JAKMIP1: variants seen among roughly 807,000 people sequenced by gnomAD.
JAKMIP1 encodes the protein janus kinase and microtubule interacting protein 1.
A neutral mutation model predicts 113.0 loss-of-function variants in JAKMIP1; 33 were observed. The observed-to-expected ratio is 0.29, with a 90% CI of 0.22 to 0.39. JAKMIP1 has a LOEUF of 0.39. Ranked by LOEUF, JAKMIP1 falls within the 10% of genes least tolerant of loss-of-function variation. The pLI is 1.00. For synonymous variants in JAKMIP1, 480 were observed against 459.9 expected, an observed-to-expected ratio of 1.04 and a Z score of -0.56; for missense variants, 813 against 1,080.5, an observed-to-expected ratio of 0.75 and a Z score of 3.47.
chr4:6,130,165 G>T (rs1034539106), intron 1 of JAKMIP1, among the ~76,000 whole-genome samples: 2 of 152,242 alleles, frequency 1.3e-5, no homozygotes, highest in Non-Finnish European at 1.5e-5. Flanking sequence ...CCTGCCCAAT[G>T]AAGTGGGGGA....
At position 6,136,030 on chromosome 4, in the gene JAKMIP1, G is replaced by C. The variant is rs555352254; in HGVS notation, c.-147-23033C>G. On this transcript the variant is annotated intron_variant, in intron 1 of 20. Transcript: ENST00000409021. This position sits in a 1 kb window ranked among gnomAD's most constrained non-coding sequence, Gnocchi z 5.9. The stretch of plus-strand genomic sequence containing the variant: ...AGAGGCCAAGGTGGGTGGATCACTT[G>C]AGGTCAGGAGTTCAAGATCAGCCTG... Among the ~76,000 whole-genome samples, 1 of 152,276 alleles carries C rather than the reference G, an allele frequency of 6.6e-6. No homozygotes were observed. The highest frequency in any genetic ancestry group is 1.9e-4 in the East Asian group (1 of 5,174).
rs1353395330 is a variant in JAKMIP1, at chr4:6,042,906, G to A, written c.2029-679C>T. On this transcript the variant is annotated intron_variant, in intron 16 of 20. Transcript: ENST00000409021. This position sits in a 1 kb window ranked among gnomAD's most constrained non-coding sequence, Gnocchi z 5.2. The stretch of plus-strand genomic sequence containing the variant: ...CGGAGAGTACGGGGTGAACAGGCGG[G>A]GCGTGCACCTGAGCGGCAGGTAAGG... Among the ~76,000 whole-genome samples the A allele has an allele frequency of 6.6e-6, 1 of 152,070 alleles. No homozygotes were observed. Among genetic ancestry groups the A allele is most frequent in the Non-Finnish European group, 1.5e-5 (1 of 68,010 alleles).
chr4:6,196,659 G>C (rs945753081), intron 1 of JAKMIP1, among the ~76,000 whole-genome samples: 1 of 152,158 alleles, frequency 6.6e-6, no homozygotes, highest in Admixed American at 6.5e-5. Context: ...AGGAGTTTGA[G>C]ACCAGCCTGG....
chr4:6,047,510 C>T (rs942980406), intron 16 of JAKMIP1, among the ~76,000 whole-genome samples: 3 of 152,176 alleles, frequency 2.0e-5, no homozygotes, highest in South Asian at 2.1e-4. Context: ...ATCCCCGTCC[C>T]GCGGTTCACC....
intron 1 of JAKMIP1, among the ~76,000 whole-genome samples, chr4:6,118,434 A>G (rs1244712735): frequency 6.6e-6 from 1 of 152,126 alleles, no homozygotes; most frequent in Non-Finnish European, 1.5e-5. Context: ...AGGCTGGGAC[A>G]AGGGGCATGT....
At chr4:6,124,117 T>C (rs1196916407) in intron 1 of JAKMIP1, among the ~76,000 whole-genome samples, 3 of 152,200 alleles carry the variant, frequency 2.0e-5, no homozygotes, top group African/African-American at 7.2e-5. Context: ...ATTCCCGCCA[T>C]GGCCCTGGCC....
At chr4:6,120,398 A>G (rs1249679021) in intron 1 of JAKMIP1, among the ~76,000 whole-genome samples, 2 of 152,214 alleles carry the variant, frequency 1.3e-5, no homozygotes, top group Non-Finnish European at 2.9e-5. Flanking sequence ...CAATCTGCCT[A>G]AAGATGTTGC....
At chr4:6,087,546 A>G (rs1721477396) in intron 3 of JAKMIP1, among the ~76,000 whole-genome samples, 2 of 152,212 alleles carry the variant, frequency 1.3e-5, no homozygotes, top group African/African-American at 4.8e-5. Context: ...CATAGAGATG[A>G]GAGAAGAAAG....
rs766805811 is a variant in JAKMIP1, at chr4:6,193,632, G to A, written c.-148+6621C>T. ...GGGGCACTCGGCTGGCTCCCGCATC[G>A]TCCCTCCTGCCTCGGGGTGCTCCCA... On this transcript the variant is annotated intron_variant, in intron 1 of 20. Transcript: ENST00000409021. The surrounding 1 kb of genome is among the most constrained non-coding windows in gnomAD (Gnocchi z 6.4). Among the ~76,000 whole-genome samples the A allele has an allele frequency of 2.0e-5, 3 of 152,182 alleles. No individual in the cohort carries two copies. Among genetic ancestry groups the A allele is most frequent in the Non-Finnish European group, 2.9e-5 (2 of 68,032 alleles).
chr4:6,035,754 C>T, intron 19 of JAKMIP1, 150 bp downstream of exon 19: 2 of 670,370 alleles, frequency 3.0e-6, no homozygotes, highest in Non-Finnish European at 5.0e-6. Flanking sequence ...TGATGGGCAT[C>T]TATGAAATCT....
intron 4 of JAKMIP1, 104 bp from the exon 5 acceptor site, chr4:6,085,069 T>A: frequency 7.3e-7 from 1 of 1,365,876 alleles, no homozygotes; most frequent in Non-Finnish European, 9.7e-7. Flanking sequence ...ATGGGTGAGA[T>A]CCTTATTCAG....
rs1726547130 is a variant in JAKMIP1, at chr4:6,185,475, A to G, written c.-148+14778T>C. ...ATCCTGGCTAACACAGTGAAACCCC[A>G]TCTCTACTAAAAAATACAAAAAATT... On this transcript the variant is annotated intron_variant, in intron 1 of 20. Transcript: ENST00000409021. The surrounding 1 kb of genome is among the most constrained non-coding windows in gnomAD (Gnocchi z 5.3). 6.6e-6 allele frequency among the ~76,000 whole-genome samples: 1 copy of G among 152,052 alleles called. No homozygotes were observed. The highest frequency in any genetic ancestry group is 1.5e-5 in the Non-Finnish European group (1 of 68,000).
chr4:6,154,068 A>G lies in JAKMIP1; in HGVS notation c.-147-41071T>C, dbSNP rs1477728069. 6.6e-6 allele frequency among the ~76,000 whole-genome samples: 1 copy of G among 152,198 alleles called. No individual in the cohort carries two copies. The highest frequency in any genetic ancestry group is 6.5e-5 in the Admixed American group (1 of 15,286). ...TCAAGGCCATCTCTGCAGCCCCCAG[A>G]CCATGCCTGGCTGACTGCATCCTGC... On this transcript the variant is annotated intron_variant, in intron 1 of 20. Transcript: ENST00000409021. The surrounding 1 kb of genome is among the most constrained non-coding windows in gnomAD (Gnocchi z 4.2).
chr4:6,125,598 AACACACACAC>A, intron 1 of JAKMIP1, among the ~76,000 whole-genome samples: 1 of 112,104 alleles, frequency 8.9e-6, no homozygotes, highest in African/African-American at 3.3e-5. Context: ...ACCATGCAGA[AACACACACAC>A]ACACACACCA....
intron 3 of JAKMIP1, among the ~76,000 whole-genome samples, chr4:6,098,068 T>G (rs1249346713): frequency 6.6e-6 from 1 of 152,208 alleles, no homozygotes; most frequent in East Asian, 1.9e-4. Flanking sequence ...TGAGTCTGGT[T>G]TAACAAGGTG....
chr4:6,127,472 G>A (rs903542338), intron 1 of JAKMIP1, among the ~76,000 whole-genome samples: 1 of 152,214 alleles, frequency 6.6e-6, no homozygotes, highest in African/African-American at 2.4e-5. Flanking sequence ...TCACAGGCTG[G>A]GCCCAGCAGG....
intron 1 of JAKMIP1, among the ~76,000 whole-genome samples, chr4:6,161,247 GACCTCCACTC>G (rs1722912555): frequency 8.0e-6 from 1 of 124,260 alleles, no homozygotes; most frequent in Admixed American, 8.4e-5. Flanking sequence ...CACCTCCCCT[GACCTCCACTC>G]ACCTCCACTC....
intron 12 of JAKMIP1, among the ~76,000 whole-genome samples, chr4:6,054,402 A>T (rs35053331): frequency 1.3e-5 from 2 of 152,172 alleles, no homozygotes; most frequent in Non-Finnish European, 2.9e-5. Flanking sequence ...GGCCCAGTGG[A>T]GTAGGGGCTA....
rs910339661 is a variant in JAKMIP1 at position 6,141,160 on chromosome 4, G to A, written c.-147-28163C>T. On this transcript the variant is annotated intron_variant, in intron 1 of 20. Transcript: ENST00000409021. This position sits in a 1 kb window ranked among gnomAD's most constrained non-coding sequence, Gnocchi z 9.4. ...CATTTAAAGTGGTAGACGAGGCCGG[G>A]CGCAGTGGCTCATGCCTGTAATCCC... Among the ~76,000 whole-genome samples, 3 of 152,238 alleles carry A rather than the reference G, an allele frequency of 2.0e-5. No homozygotes were observed. The highest frequency in any genetic ancestry group is 7.2e-5 in the African/African-American group (3 of 41,444).
Sources: allele counts gnomAD v4.1 joint callset (sites outside exome capture counted in the v4.1 genomes callset), GRCh38; gene constraint gnomAD v4.1.1; non-coding constraint Gnocchi (gnomAD v3.1); transcripts MANE v1.5; gene names NCBI Gene and HGNC (gene_info 2026-07-23, HGNC 2026-07-21).